SEMA6D: variants seen among roughly 807,000 people sequenced by gnomAD.
The protein encoded by SEMA6D is semaphorin-6D.
SEMA6D carries 35 observed loss-of-function variants against 106.6 expected under a neutral mutation model. The observed-to-expected ratio is 0.33, with a 90% CI of 0.25 to 0.44. SEMA6D has a LOEUF of 0.44. SEMA6D is among the 20% of genes least tolerant of loss of function. SEMA6D has a pLI of 1.00. For synonymous variants in SEMA6D, 499 were observed against 487.7 expected (o/e 1.02, Z -0.31); for missense variants, 1,185 against 1,345.9 (o/e 0.88, Z 1.87).
At position 47,267,041 on chromosome 15, in the gene SEMA6D, C is replaced by G. The variant is rs891169957; in HGVS notation, c.-239+82623C>G. On this transcript the variant is annotated intron_variant, in intron 1 of 19. Transcript: ENST00000558014. ...AGCAGAAACATCTCCAGTAATTCTA[C>G]CGGGGCTTTCTTTATTTCTGAGTTC... Among the ~76,000 whole-genome samples, 4 of 152,092 alleles carry G rather than the reference C, an allele frequency of 2.6e-5. No individual in the cohort carries two copies. In the South Asian group the frequency reaches 6.2e-4, roughly 24 times the overall value.
At chr15:47,238,220 C>T (rs997201626) in intron 1 of SEMA6D, among the ~76,000 whole-genome samples, 1 of 152,020 alleles carries the variant, frequency 6.6e-6, no homozygotes, top group Non-Finnish European at 1.5e-5. Context: ...GGGACACAAA[C>T]CACTGAAGAG....
chr15:47,467,357 G>A (rs1480511045), intron 2 of SEMA6D, among the ~76,000 whole-genome samples: 1 of 152,088 alleles, frequency 6.6e-6, no homozygotes, highest in Non-Finnish European at 1.5e-5. Context: ...GGTCTGGTTG[G>A]GGCCAAGGAA....
At chr15:47,541,123 C>G (rs1011367973) in intron 3 of SEMA6D, among the ~76,000 whole-genome samples, 2 of 152,130 alleles carry the variant, frequency 1.3e-5, no homozygotes, top group African/African-American at 2.4e-5. Context: ...CTTCAGGGAG[C>G]TTTCTGACAT....
intron 3 of SEMA6D, among the ~76,000 whole-genome samples, chr15:47,481,117 A>G (rs1343545694): frequency 2.6e-5 from 4 of 152,200 alleles, no homozygotes; most frequent in Admixed American, 2.0e-4. Flanking sequence ...GTAGGTGCTC[A>G]GTACATTCTG....
chr15:47,711,061 G>A (rs571672642), intron 4 of SEMA6D, among the ~76,000 whole-genome samples: 1 of 152,152 alleles, frequency 6.6e-6, no homozygotes, highest in South Asian at 2.1e-4. Flanking sequence ...TGTAATCCCA[G>A]CACTTTGGGA....
chr15:47,526,338 G>A (rs143254033), intron 3 of SEMA6D, among the ~76,000 whole-genome samples: 1 of 152,232 alleles, frequency 6.6e-6, no homozygotes, highest in East Asian at 1.9e-4. Flanking sequence ...AAGGAAAGCT[G>A]GAAAGGGGGG....
intron 1 of SEMA6D, among the ~76,000 whole-genome samples, chr15:47,275,706 A>G (rs1208872827): frequency 1.3e-5 from 2 of 152,058 alleles, no homozygotes; most frequent in Non-Finnish European, 2.9e-5. Flanking sequence ...AGACAAAACA[A>G]TTTTGAATTT....
At chr15:47,378,845 C>A (rs1167373833) in intron 1 of SEMA6D, among the ~76,000 whole-genome samples, 1 of 152,192 alleles carries the variant, frequency 6.6e-6, no homozygotes, top group Non-Finnish European at 1.5e-5. Context: ...AAGTTTATAT[C>A]TTGCTTTCAG....
At chr15:47,741,118 C>A (rs949776192) in intron 1 of SEMA6D, among the ~76,000 whole-genome samples, 1 of 152,156 alleles carries the variant, frequency 6.6e-6, no homozygotes, top group African/African-American at 2.4e-5. Context: ...TTAATAAATT[C>A]TTAAGTTCCT....
At chr15:47,576,042 G>A (rs988497943) in intron 3 of SEMA6D, among the ~76,000 whole-genome samples, 1 of 152,086 alleles carries the variant, frequency 6.6e-6, no homozygotes, top group African/African-American at 2.4e-5. Flanking sequence ...ATGACAAAAC[G>A]ACTCACAATG....
At chr15:47,722,426 C>G (rs2079475276) in intron 1 of SEMA6D, among the ~76,000 whole-genome samples, 1 of 152,082 alleles carries the variant, frequency 6.6e-6, no homozygotes, top group Admixed American at 6.5e-5. Flanking sequence ...AATATGGGGC[C>G]CGTGTGTACT....
At position 47,765,049 on chromosome 15, in the gene SEMA6D, C is replaced by A; in HGVS notation, c.1420C>A (p.His474Asn). The A allele has an allele frequency of 6.2e-7, 1 of 1,613,700 alleles. No homozygotes were observed. Reference protein sequence around the residue: ...VLLEEIEAYNHAKCSAENEED... With the variant: ...VLLEEIEAYNNAKCSAENEED... ...ACTGGAAGAGATTGAAGCCTACAAC[C>A]ATGCAAAGTAGGTATATGTTACGAG... Residue 474 changes from histidine (H) to asparagine (N), a missense_variant, in exon 13 of 19, where the codon CAT becomes AAT. Coordinates refer to ENST00000536845, the MANE Select transcript of SEMA6D (RefSeq NM_001358351.3).
intron 4 of SEMA6D, among the ~76,000 whole-genome samples, chr15:47,616,594 A>AAC: frequency 6.6e-6 from 1 of 151,774 alleles, no homozygotes; most frequent in South Asian, 2.1e-4. Flanking sequence ...AAAAAAAAAA[A>AAC]AGATGATCCT....
chr15:47,471,310 A>G (rs1348223321), intron 3 of SEMA6D, among the ~76,000 whole-genome samples: 2 of 152,116 alleles, frequency 1.3e-5, no homozygotes, highest in African/African-American at 4.8e-5. Flanking sequence ...CAGTTTGTTC[A>G]TCTCCATAAA....
At position 47,762,271 on chromosome 15, in the gene SEMA6D, G is replaced by A. The variant is rs186174670; in HGVS notation, c.610G>A (p.Asp204Asn). The A allele has an allele frequency of 2.0e-5, 33 of 1,613,686 alleles. No individual in the cohort carries two copies. The highest frequency in any genetic ancestry group is 2.6e-5 in the Non-Finnish European group (31 of 1,179,656). ...SDAVIYRSMG[D>N]GSALRTIKYD... is the part of the protein sequence containing the mutation. ...TGCCGTTATTTATCGAAGCATGGGT[G>A]ATGGATCTGCCCTTCGCACAATAAA... The change falls in exon 8 of 19, where the codon GAT becomes AAT. Residue 204 changes from aspartate (D) to asparagine (N), a missense_variant. This residue lies in a region of SEMA6D where 291 missense variants were observed against 423.8 expected (regional missense o/e 0.69). Coordinates refer to ENST00000536845, the MANE Select transcript of SEMA6D (RefSeq NM_001358351.3).
intron 3 of SEMA6D, among the ~76,000 whole-genome samples, chr15:47,581,597 G>A (rs139651329): frequency 1.3e-5 from 2 of 152,138 alleles, no homozygotes; most frequent in Non-Finnish European, 1.5e-5. Context: ...TGGGATTTGT[G>A]GGGGTAAGGG....
intron 4 of SEMA6D, among the ~76,000 whole-genome samples, chr15:47,694,250 C>T (rs952876241): frequency 2.2e-4 from 34 of 152,074 alleles, no homozygotes; most frequent in African/African-American, 8.0e-4. Flanking sequence ...TAATCTAATG[C>T]AGCAATACTT....
At chr15:47,579,919 C>A (rs1214362722) in intron 3 of SEMA6D, among the ~76,000 whole-genome samples, 1 of 152,170 alleles carries the variant, frequency 6.6e-6, no homozygotes, top group Non-Finnish European at 1.5e-5. Flanking sequence ...TTTTCAGACA[C>A]ATTTTCGTAG....
intron 1 of SEMA6D, among the ~76,000 whole-genome samples, chr15:47,210,800 G>A (rs541484308): frequency 7.2e-4 from 109 of 150,686 alleles, no homozygotes; most frequent in Non-Finnish European, 1.4e-3. Context: ...CCAGCCATTG[G>A]CAGTGTGAAT....
Sources: allele counts gnomAD v4.1 joint callset (sites outside exome capture counted in the v4.1 genomes callset), GRCh38; gene constraint gnomAD v4.1.1; regional missense constraint gnomAD v4.1.1; transcripts MANE v1.5; gene names NCBI Gene and HGNC (gene_info 2026-07-23, HGNC 2026-07-21).